FAM199X: variants seen among roughly 807,000 people sequenced by gnomAD.
FAM199X encodes protein FAM199X.
Under a neutral mutation model 22.9 loss-of-function variants are expected in FAM199X, and 4 were observed. The observed-to-expected ratio is 0.17, with a 90% CI of 0.09 to 0.40. FAM199X has a LOEUF of 0.40. Among genes scored for constraint, FAM199X ranks in the 10% least tolerant of loss-of-function variants. The probability of loss-of-function intolerance (pLI) is 1.00; values close to 1 mark genes in which losing one functional copy is unlikely to be tolerated. For missense variants in FAM199X, 183 were observed against 306.8 expected (o/e 0.60, Z 3.01); for synonymous variants, 101 against 112.3 (o/e 0.90, Z 0.64).
intron 2 of FAM199X, among the ~76,000 whole-genome samples, chrX:104,183,515 A>G (rs1921714656): frequency 9.1e-6 from 1 of 109,452 alleles, no homozygotes; most frequent in African/African-American, 3.3e-5. Context: ...CCCACGCTGG[A>G]GTGCAGTGGC....
chrX:104,159,500 A>G, the FAM199X span, among the ~76,000 whole-genome samples: 1 of 112,459 alleles, frequency 8.9e-6, no homozygotes, highest in South Asian at 3.6e-4. Context: ...CCTTAGTCGT[A>G]CTCATAGCAT....
the FAM199X span, among the ~76,000 whole-genome samples, chrX:104,160,836 A>G: frequency 9.0e-6 from 1 of 111,488 alleles, no homozygotes; most frequent in African/African-American, 3.3e-5. Context: ...ATTTCAAAAC[A>G]TCTAGCATCT....
Position 104,195,893 on chromosome X carries a change from C to G in FAM199X, c.*6115C>G, listed in dbSNP as rs912812234. On this transcript the variant is annotated 3_prime_UTR_variant, in exon 6 of 6. Coordinates refer to ENST00000493442, the MANE Select transcript of FAM199X (RefSeq NM_207318.4). ...ATTTTTAATAAATGTGAGTTAGATACTAAGTGAAATGTGCGTGTGTGTGTT... is the reference window on the plus strand; with the variant it reads ...ATTTTTAATAAATGTGAGTTAGATAGTAAGTGAAATGTGCGTGTGTGTGTT... 5.5e-5 allele frequency: 6 copies of G among 108,867 alleles called. No homozygotes were observed. The highest frequency in any genetic ancestry group is 1.1e-4 in the Non-Finnish European group (6 of 52,182). 9.0% of individuals were successfully genotyped at this position (108,867 alleles called of 1,213,427 possible). A position where few individuals can be genotyped will look rare whatever the true frequency, so the allele number is the denominator to read the frequency against.
chrX:104,179,378 T>C (rs1332852001), intron 2 of FAM199X, among the ~76,000 whole-genome samples: 1 of 112,268 alleles, frequency 8.9e-6, no homozygotes, highest in African/African-American at 3.2e-5. Flanking sequence ...TATTCCTAAA[T>C]ATTGTATTCT....
intron 2 of FAM199X, among the ~76,000 whole-genome samples, chrX:104,184,939 CCTTT>C (rs1342091639): frequency 7.4e-5 from 8 of 107,836 alleles, no homozygotes; most frequent in African/African-American, 1.7e-4. Context: ...AATTTTTTTT[CCTTT>C]CTTTTTTTTT....
At chrX:104,189,585 T>C (rs782104816) in intron 5 of FAM199X, 23 bp from the exon 6 acceptor site, 1 of 1,208,971 alleles carries the variant, frequency 8.3e-7, no homozygotes, top group Non-Finnish European at 1.1e-6. Context: ...ACCAAACTGA[T>C]TTAGAAATTT....
chrX:104,179,677 T>C (rs1921592497), intron 2 of FAM199X, among the ~76,000 whole-genome samples: 1 of 111,626 alleles, frequency 9.0e-6, no homozygotes, highest in Non-Finnish European at 1.9e-5. Flanking sequence ...CTGTACAGTG[T>C]TGAATAGAAG....
chrX:104,188,970 A>C (rs192602883), intron 5 of FAM199X, among the ~76,000 whole-genome samples: 20 of 112,101 alleles, frequency 1.8e-4, no homozygotes, highest in African/African-American at 6.5e-4. Context: ...TTGAAGATAC[A>C]CAATGATTCT....
intron 2 of FAM199X, among the ~76,000 whole-genome samples, chrX:104,185,478 T>C (rs1206123035): frequency 1.8e-5 from 2 of 112,131 alleles, no homozygotes; most frequent in Non-Finnish European, 3.8e-5. Context: ...GAGTCTAAGC[T>C]TTTCAAAAAC....
chrX:104,188,649 A>G (rs1467067331), intron 5 of FAM199X, among the ~76,000 whole-genome samples: 2 of 112,347 alleles, frequency 1.8e-5, no homozygotes, highest in African/African-American at 3.2e-5. Flanking sequence ...GTTGCTGTCT[A>G]TTAGCTCCTA....
intron 5 of FAM199X, among the ~76,000 whole-genome samples, chrX:104,189,107 T>G (rs1239314901): frequency 1.8e-5 from 2 of 111,448 alleles, no homozygotes; most frequent in African/African-American, 6.5e-5. Context: ...TCCACTGAGT[T>G]TCTGATGGAT....
At position 104,194,496 on chromosome X, in the gene FAM199X, A is replaced by G. The variant is rs1245964134; in HGVS notation, c.*4718A>G. Reference sequence around the variant, plus strand: ...TGGCTCTTTTAACAGTAGCTGACCTATTGGATTTAAACTGAGACTGAAATT... The same window carrying G: ...TGGCTCTTTTAACAGTAGCTGACCTGTTGGATTTAAACTGAGACTGAAATT... On this transcript the variant is annotated 3_prime_UTR_variant, in exon 6 of 6. Transcript: ENST00000493442. 8.9e-6 allele frequency: 1 copy of G among 112,341 alleles called. No homozygotes were observed. Among genetic ancestry groups the G allele is most frequent in the Non-Finnish European group, 1.9e-5 (1 of 53,159 alleles). 9.3% of individuals were successfully genotyped at this position (112,341 alleles called of 1,213,427 possible). A position where few individuals can be genotyped will look rare whatever the true frequency, so the allele number is the denominator to read the frequency against.
At chrX:104,178,455 TC>T (rs782424722) in intron 2 of FAM199X, among the ~76,000 whole-genome samples, 12 of 111,336 alleles carry the variant, frequency 1.1e-4, no homozygotes, top group Non-Finnish European at 2.1e-4. Flanking sequence ...GTGCATTCTT[TC>T]CTTTTTTAAG....
intron 1 of FAM199X, among the ~76,000 whole-genome samples, chrX:104,170,072 G>C (rs782285891): frequency 1.2e-4 from 14 of 112,559 alleles, no homozygotes; most frequent in African/African-American, 4.5e-4. Context: ...TGAAATGTCA[G>C]TGTGGAACAT....
chrX:104,175,779 C>G lies in FAM199X; in HGVS notation c.354C>G (p.Cys118Trp). The change falls in exon 2 of 6, where the codon TGC becomes TGG. Residue 118 changes from cysteine (C) to tryptophan (W), a missense_variant. Cys to Trp is a radical substitution (Grantham distance 215). Coordinates refer to ENST00000493442, the MANE Select transcript of FAM199X (RefSeq NM_207318.4). ...ATTTATTTCCTGAGGGGAGTGTCTG[C>G]AGTGATGTCTCTTCTTCTATTAGCA... Reference protein sequence around the residue: ...SFDLFPEGSVCSDVSSSISTY... With the variant: ...SFDLFPEGSVWSDVSSSISTY... 4 of 1,211,268 alleles carry G rather than the reference C, an allele frequency of 3.3e-6. No homozygotes were observed. The highest frequency in any genetic ancestry group is 4.5e-6 in the Non-Finnish European group (4 of 895,076).
At chrX:104,182,503 A>G (rs868981080) in intron 2 of FAM199X, among the ~76,000 whole-genome samples, 1 of 111,101 alleles carries the variant, frequency 9.0e-6, no homozygotes. Flanking sequence ...TCTGCATATC[A>G]TATGACGGTT....
At chrX:104,180,508 AGTT>A (rs1418611249) in intron 2 of FAM199X, among the ~76,000 whole-genome samples, 1 of 110,881 alleles carries the variant, frequency 9.0e-6, no homozygotes, top group African/African-American at 3.3e-5. Flanking sequence ...TGTTATGAGT[AGTT>A]AAGAGTGGAA....
rs916224370 is a variant in FAM199X, at chrX:104,175,677, G to T, written c.252G>T (p.Glu84Asp). ...TSVASSEGSEELFSSVSVGDQ... is the reference protein window; with the variant it reads ...TSVASSEGSEDLFSSVSVGDQ... ...TTGCCAGCTCAGAAGGCAGTGAGGAGCTGTTTTCATCTGTGTCTGTTGGAG... is the reference window on the plus strand; with the variant it reads ...TTGCCAGCTCAGAAGGCAGTGAGGATCTGTTTTCATCTGTGTCTGTTGGAG... Residue 84 changes from glutamate (E) to aspartate (D), a missense_variant, in exon 2 of 6, where the codon GAG becomes GAT. Physicochemically the swap from Glu to Asp is conservative, Grantham distance 45. This residue lies in a region of FAM199X where 128 missense variants were observed against 246.2 expected (regional missense o/e 0.52). Coordinates refer to ENST00000493442, the MANE Select transcript of FAM199X (RefSeq NM_207318.4). 22 of 1,210,018 alleles carry T rather than the reference G, an allele frequency of 1.8e-5. No individual in the cohort carries two copies. The highest frequency in any genetic ancestry group is 2.3e-5 in the Non-Finnish European group (21 of 895,182).
Position 104,190,039 on chromosome X carries a change from A to G in FAM199X, c.*261A>G. ...GGAGGCGCCTAGCATTGTTTTTTTA[A>G]CAAGTGCTGGGTTATTCTGATGCAC... On this transcript the variant is annotated 3_prime_UTR_variant, in exon 6 of 6. Transcript: ENST00000493442. 2 of 312,387 alleles carry G rather than the reference A, an allele frequency of 6.4e-6. No homozygotes were observed. 25.7% of individuals were successfully genotyped at this position (312,387 alleles called of 1,213,427 possible). A position where few individuals can be genotyped will look rare whatever the true frequency, so the allele number is the denominator to read the frequency against.
Sources: gnomAD v4.1 joint callset for allele counts (sites outside exome capture counted in the v4.1 genomes callset) on GRCh38, gnomAD v4.1.1 for gene constraint, gnomAD v4.1.1 regional missense constraint, MANE v1.5 for transcripts, NCBI Gene and HGNC (gene_info 2026-07-23, HGNC 2026-07-21) for gene names.